The following STK4 variants were observed in gnomAD, a reference collection of about 807,000 sequenced individuals.
STK4 encodes serine/threonine-protein kinase 4.
A neutral mutation model predicts 64.9 loss-of-function variants in STK4; 30 were observed. The observed-to-expected ratio is 0.46, with a 90% confidence interval of 0.35 to 0.63. The LOEUF (loss-of-function observed/expected upper bound fraction) is 0.63. Among genes scored for constraint, STK4 ranks in the 20% least tolerant of loss-of-function variants. The pLI, the probability that STK4 is intolerant of heterozygous loss-of-function variation, is 0.01. For missense variants in STK4, 466 were observed against 598.5 expected, an observed-to-expected ratio of 0.78 and a Z score of 2.31; for synonymous variants, 177 against 199.0, an observed-to-expected ratio of 0.89 and a Z score of 0.93.
chr20:45,030,304 C>T (rs941428317), intron 10 of STK4, among the ~76,000 whole-genome samples: 2 of 152,120 alleles, frequency 1.3e-5, no homozygotes, highest in South Asian at 2.1e-4. Context: ...CAGGGTTTCA[C>T]CATCTTGGCC....
intron 3 of STK4, among the ~76,000 whole-genome samples, chr20:44,978,887 C>T (rs2067386855): frequency 1.3e-5 from 2 of 151,746 alleles, no homozygotes; most frequent in African/African-American, 2.4e-5. Flanking sequence ...CAACCTCCAC[C>T]TCCCAGGTTC....
intron 10 of STK4, among the ~76,000 whole-genome samples, chr20:45,045,887 A>G (rs1278715645): frequency 6.6e-6 from 1 of 151,764 alleles, no homozygotes; most frequent in South Asian, 2.1e-4. Flanking sequence ...GCTCACTGCA[A>G]CCTCTGCCTC....
chr20:45,001,284 A>T lies in STK4; in HGVS notation c.1078A>T (p.Thr360Ser), dbSNP rs1310270958. ...CAATACTATGATTGAGCACGATGAC[A>T]CGTTGCCATCACAACTGGGCACCAT... ...GANTMIEHDD[T>S]LPSQLGTMVI... Residue 360 changes from threonine to serine, a missense_variant, in exon 9 of 11, where the codon ACG (threonine) becomes TCG (serine). Transcript: ENST00000372806. The T allele has an allele frequency of 6.2e-7, 1 of 1,614,178 alleles. No homozygotes were observed. The highest frequency in any genetic ancestry group is 8.5e-7 in the Non-Finnish European group (1 of 1,180,012).
At chr20:45,005,371 C>T (rs988759996) in intron 9 of STK4, among the ~76,000 whole-genome samples, 1 of 151,818 alleles carries the variant, frequency 6.6e-6, no homozygotes, top group African/African-American at 2.4e-5. Flanking sequence ...AGCAGCTGGG[C>T]GCTGTGGCTC....
chr20:45,019,335 A>G (rs1392990573), intron 9 of STK4, among the ~76,000 whole-genome samples: 1 of 152,086 alleles, frequency 6.6e-6, no homozygotes, highest in Non-Finnish European at 1.5e-5. Context: ...CATTTTGCAT[A>G]ATGTTTTTGA....
At chr20:45,010,537 A>T (rs1299898683) in intron 9 of STK4, among the ~76,000 whole-genome samples, 1 of 152,220 alleles carries the variant, frequency 6.6e-6, no homozygotes, top group Non-Finnish European at 1.5e-5. Context: ...GGTAAATTGA[A>T]CCATTCCCTG....
intron 3 of STK4, among the ~76,000 whole-genome samples, chr20:44,979,857 A>G (rs746424978): frequency 6.6e-6 from 1 of 151,344 alleles, no homozygotes; most frequent in African/African-American, 2.4e-5. Context: ...TGAAGGTGGC[A>G]GTTTTCCATT....
At chr20:45,029,110 C>CTAATTTGCTT (rs1282547920) in intron 10 of STK4, among the ~76,000 whole-genome samples, 1 of 152,154 alleles carries the variant, frequency 6.6e-6, no homozygotes, top group Non-Finnish European at 1.5e-5. Flanking sequence ...ATGTTAAAAA[C>CTAATTTGCTT]TTATGAGATT....
At chr20:45,027,604 C>T (rs919330764) in intron 10 of STK4, among the ~76,000 whole-genome samples, 6 of 152,088 alleles carry the variant, frequency 3.9e-5, no homozygotes, top group East Asian at 3.8e-4. Context: ...TTACCTCAGA[C>T]GTTTTTCTTT....
At chr20:45,026,082 C>T (rs34409763) in intron 10 of STK4, among the ~76,000 whole-genome samples, 65,526 of 150,070 alleles carry the variant, frequency 0.44, 14,822 homozygotes, top group Middle Eastern at 0.54. Context: ...AGAACCCAGG[C>T]TATTTGTTTT....
chr20:44,976,162 C>A (rs1029585778), intron 2 of STK4, among the ~76,000 whole-genome samples: 3 of 152,022 alleles, frequency 2.0e-5, no homozygotes, highest in African/African-American at 7.2e-5. Flanking sequence ...GTTTTAAAAG[C>A]CCAATAAATT....
chr20:45,038,504 A>C (rs1309801421), intron 10 of STK4, among the ~76,000 whole-genome samples: 1 of 152,060 alleles, frequency 6.6e-6, no homozygotes, highest in African/African-American at 2.4e-5. Context: ...TTTAATTTAA[A>C]GCCCTTCCTT....
intron 9 of STK4, among the ~76,000 whole-genome samples, chr20:45,004,679 A>G (rs1212858028): frequency 6.6e-6 from 1 of 150,480 alleles, no homozygotes; most frequent in African/African-American, 2.4e-5. Context: ...CTTTAGTTTA[A>G]TTAGATTCCG....
chr20:44,982,043 G>A (rs915487663), intron 4 of STK4, 100 bp downstream of exon 4: 3 of 675,700 alleles, frequency 4.4e-6, no homozygotes, highest in Non-Finnish European at 7.7e-6. Flanking sequence ...AGAGACGACT[G>A]TCAGATTTCC....
intron 5 of STK4, among the ~76,000 whole-genome samples, chr20:44,989,425 A>G (rs1383211595): frequency 6.6e-6 from 1 of 152,106 alleles, no homozygotes; most frequent in African/African-American, 2.4e-5. Flanking sequence ...ATGTCTATTT[A>G]AATCTTTTGC....
intron 10 of STK4, among the ~76,000 whole-genome samples, chr20:45,042,288 CACGA>C (rs1166593567): frequency 6.6e-6 from 1 of 151,716 alleles, no homozygotes; most frequent in Non-Finnish European, 1.5e-5. Flanking sequence ...TTTTTTCTCA[CACGA>C]ACTCTTGACA....
At chr20:45,040,484 C>A (rs896974677) in intron 10 of STK4, among the ~76,000 whole-genome samples, 2 of 151,960 alleles carry the variant, frequency 1.3e-5, no homozygotes, top group Non-Finnish European at 2.9e-5. Context: ...CTTGATATAA[C>A]CCCAGTAGTT....
chr20:45,038,684 C>T (rs1048460988), intron 10 of STK4, among the ~76,000 whole-genome samples: 1 of 151,948 alleles, frequency 6.6e-6, no homozygotes, highest in East Asian at 1.9e-4. Flanking sequence ...CAGAGGTCCT[C>T]AGGACCGCTT....
intron 10 of STK4, among the ~76,000 whole-genome samples, chr20:45,070,885 CAAAA>C (rs34886047): frequency 2.8e-5 from 3 of 108,802 alleles, no homozygotes; most frequent in East Asian, 3.1e-4. Context: ...GACTCCGTCT[CAAAA>C]AAAAAAAAAA....
Sources: allele counts gnomAD v4.1 joint callset (sites outside exome capture counted in the v4.1 genomes callset), GRCh38; gene constraint gnomAD v4.1.1; transcripts MANE v1.5; gene names NCBI Gene and HGNC (gene_info 2026-07-23, HGNC 2026-07-21).